RHBDD1: variants seen among roughly 807,000 people sequenced by gnomAD.
The protein encoded by RHBDD1 is rhomboid-related protein 4.
In RHBDD1, 38 loss-of-function variants were observed where a neutral mutation model predicts 36.3. The ratio of observed to expected loss-of-function variants is 1.05; its 90% CI spans 0.81 to 1.37. The LOEUF (loss-of-function observed/expected upper bound fraction) is 1.37. RHBDD1 is among the 40% of genes most tolerant of loss of function. RHBDD1 has a pLI of 0.00. For synonymous variants in RHBDD1, 151 were observed against 136.5 expected (o/e 1.11, Z -0.74); for missense variants, 393 against 377.6 (o/e 1.04, Z -0.34).
the RHBDD1 span, among the ~76,000 whole-genome samples, chr2:226,811,250 C>A: frequency 1.3e-5 from 2 of 152,018 alleles, no homozygotes; most frequent in Non-Finnish European, 2.9e-5. Context: ...AGGGGAACTA[C>A]CAAAGCACTT....
intron 8 of RHBDD1, among the ~76,000 whole-genome samples, chr2:226,986,242 A>G (rs1312946429): frequency 6.6e-6 from 1 of 152,250 alleles, no homozygotes; most frequent in African/African-American, 2.4e-5. Flanking sequence ...AGACTTGGTA[A>G]CAAAATGTAC....
At chr2:226,904,406 C>G (rs570867722) in intron 5 of RHBDD1, among the ~76,000 whole-genome samples, 1 of 110,194 alleles carries the variant, frequency 9.1e-6, no homozygotes, top group South Asian at 3.5e-4. Flanking sequence ...TGTGGCACAT[C>G]CTGCAAGCGG....
At chr2:226,980,963 T>A (rs1955593593) in intron 8 of RHBDD1, among the ~76,000 whole-genome samples, 1 of 152,210 alleles carries the variant, frequency 6.6e-6, no homozygotes, top group Admixed American at 6.5e-5. Flanking sequence ...TTTAAAATAA[T>A]TTCTGAGTTT....
chr2:226,817,261 C>A, the RHBDD1 span, among the ~76,000 whole-genome samples: 2 of 152,182 alleles, frequency 1.3e-5, no homozygotes, highest in Non-Finnish European at 2.9e-5. Context: ...AATAACTTTT[C>A]TGAGAGCTAA....
rs537662881 is a variant in RHBDD1 at position 226,988,671 on chromosome 2, G to A, written c.857-6760G>A. 5.6e-5 allele frequency: 55 copies of A among 984,064 alleles called. No homozygotes were observed. The African/African-American group carries it at 7.7e-4, about 14-fold the overall frequency. The allele number at this position is 984,064 out of a possible 1,614,324, so 61.0% of individuals were successfully genotyped here. A position where few individuals can be genotyped will look rare whatever the true frequency, so the allele number is the denominator to read the frequency against. On this transcript the variant is annotated intron_variant, in intron 8 of 8. Transcript: ENST00000392062. Reference sequence around the variant, plus strand: ...GAGGAAGGTAGGATTTTAATATTCCGAAGGGTTTTCATACTTTTTCTATCA... The same window carrying A: ...GAGGAAGGTAGGATTTTAATATTCCAAAGGGTTTTCATACTTTTTCTATCA...
rs1959809172 is a variant in RHBDD1, at chr2:226,997,752, G to A, written c.*2230G>A. ...TGTGATACGCATGGCTGTTGATGGA[G>A]TGGAACATCTTAGTGATGTGAGAAA... On this transcript the variant is annotated 3_prime_UTR_variant, in exon 9 of 9. Transcript: ENST00000392062. The A allele has an allele frequency of 6.6e-6, 1 of 152,212 alleles. No homozygotes were observed. Among genetic ancestry groups the A allele is most frequent in the African/African-American group, 2.4e-5 (1 of 41,454 alleles). The allele number at this position is 152,212 out of a possible 1,614,324, so 9.4% of individuals were successfully genotyped here.
chr2:226,800,666 G>C, the RHBDD1 span, among the ~76,000 whole-genome samples: 297 of 152,312 alleles, frequency 1.9e-3, no homozygotes, highest in African/African-American at 6.9e-3. Context: ...AAGTCTATCC[G>C]TGACTTTAAA....
At chr2:226,819,811 T>C in the RHBDD1 span, among the ~76,000 whole-genome samples, 953 of 152,300 alleles carry the variant, frequency 6.3e-3, 25 homozygotes, top group Admixed American at 0.052. Flanking sequence ...GCTATCTTTT[T>C]TCCTAGGTCA....
At chr2:226,985,108 A>T (rs1956648437) in intron 8 of RHBDD1, among the ~76,000 whole-genome samples, 1 of 152,172 alleles carries the variant, frequency 6.6e-6, no homozygotes, top group South Asian at 2.1e-4. Context: ...ATGTCTGTTT[A>T]TCTCCTCTGA....
chr2:226,921,471 G>A (rs1949309793), intron 8 of RHBDD1, among the ~76,000 whole-genome samples: 1 of 151,972 alleles, frequency 6.6e-6, no homozygotes, highest in African/African-American at 2.4e-5. Flanking sequence ...GGCGCCTATT[G>A]CTATAAACTT....
At chr2:226,985,125 G>T (rs549927515) in intron 8 of RHBDD1, among the ~76,000 whole-genome samples, 1 of 152,190 alleles carries the variant, frequency 6.6e-6, no homozygotes, top group Non-Finnish European at 1.5e-5. Context: ...CTGATTTGGA[G>T]TTAGCATATT....
At chr2:226,826,164 AG>A in the RHBDD1 span, among the ~76,000 whole-genome samples, 2 of 152,200 alleles carry the variant, frequency 1.3e-5, no homozygotes, top group African/African-American at 4.8e-5. Context: ...GTAGAGAATG[AG>A]GTTTCATTGG....
chr2:226,827,640 C>T, the RHBDD1 span, among the ~76,000 whole-genome samples: 3 of 152,200 alleles, frequency 2.0e-5, no homozygotes, highest in African/African-American at 7.2e-5. Flanking sequence ...AAAGTATTCT[C>T]CCATCTCTCC....
At chr2:226,828,008 G>T in the RHBDD1 span, among the ~76,000 whole-genome samples, 2 of 152,150 alleles carry the variant, frequency 1.3e-5, no homozygotes, top group Admixed American at 6.5e-5. Flanking sequence ...TGTATAGTTT[G>T]TGATTTTTAA....
Position 226,998,499 on chromosome 2 carries a change from A to G in RHBDD1, c.*2977A>G, listed in dbSNP as rs1338066007. 5 of 152,176 alleles carry G rather than the reference A, an allele frequency of 3.3e-5. No individual in the cohort carries two copies. The highest frequency in any genetic ancestry group is 7.3e-5 in the Non-Finnish European group (5 of 68,030). The allele number at this position is 152,176 out of a possible 1,614,324, so 9.4% of individuals were successfully genotyped here. A position where few individuals can be genotyped will look rare whatever the true frequency, so the allele number is the denominator to read the frequency against. Reference sequence around the variant, plus strand: ...GATTCAGTATTCAGTAAAGAATAGCATTCAATTAGTCAAAAAATATATATA... The same window carrying G: ...GATTCAGTATTCAGTAAAGAATAGCGTTCAATTAGTCAAAAAATATATATA... On this transcript the variant is annotated 3_prime_UTR_variant, in exon 9 of 9. Transcript: ENST00000392062.
At chr2:226,877,619 TG>T (rs1413416517) in intron 5 of RHBDD1, among the ~76,000 whole-genome samples, 1 of 149,494 alleles carries the variant, frequency 6.7e-6, no homozygotes, top group Non-Finnish European at 1.5e-5. Context: ...CAGGGGAAAG[TG>T]GGGAGGGCCC....
At position 226,893,871 on chromosome 2, in the gene RHBDD1, C is replaced by T. The variant is rs960830656; in HGVS notation, c.567-12922C>T. Among the ~76,000 whole-genome samples, 6 of 152,312 alleles carry T rather than the reference C, an allele frequency of 3.9e-5. No homozygotes were observed. In the East Asian group the frequency reaches 7.7e-4, roughly 20 times the overall value. ...ACACACAGCACTACTGACCCCCAGTCTGTCGAAAGGACATTCTTGTAAATG... is the reference window on the plus strand; with the variant it reads ...ACACACAGCACTACTGACCCCCAGTTTGTCGAAAGGACATTCTTGTAAATG... On this transcript the variant is annotated intron_variant, in intron 5 of 8. Transcript: ENST00000392062.
intron 8 of RHBDD1, among the ~76,000 whole-genome samples, chr2:226,991,848 T>C (rs1313889720): frequency 1.3e-5 from 2 of 152,158 alleles, no homozygotes. Flanking sequence ...TAGCCTCCTC[T>C]CACGTATGAG....
At chr2:226,870,233 C>G (rs1477834546) in intron 5 of RHBDD1, among the ~76,000 whole-genome samples, 1 of 152,184 alleles carries the variant, frequency 6.6e-6, no homozygotes, top group East Asian at 1.9e-4. Flanking sequence ...CTTACCTTCT[C>G]TGTTTGATAA....
Sources: allele counts gnomAD v4.1 joint callset (sites outside exome capture counted in the v4.1 genomes callset), GRCh38; gene constraint gnomAD v4.1.1; transcripts MANE v1.5; gene names NCBI Gene and HGNC (gene_info 2026-07-23, HGNC 2026-07-21).